RSPRY1: variants seen among roughly 807,000 people sequenced by gnomAD.
RSPRY1 encodes RING finger and SPRY domain-containing protein 1.
In RSPRY1, 23 loss-of-function variants were observed where a neutral mutation model predicts 73.1. The ratio of observed to expected loss-of-function variants is 0.31; its 90% CI spans 0.23 to 0.45. RSPRY1 has a LOEUF of 0.45. Among genes scored for constraint, RSPRY1 ranks in the 20% least tolerant of loss-of-function variants. The probability of loss-of-function intolerance (pLI) is 1.00; values close to 1 mark genes in which losing one functional copy is unlikely to be tolerated. For synonymous variants in RSPRY1, 226 were observed against 251.4 expected (o/e 0.90, Z 0.95); for missense variants, 448 against 698.7 (o/e 0.64, Z 4.05).
chr16:57,196,517 G>A (rs1325093519), intron 1 of RSPRY1, among the ~76,000 whole-genome samples: 4 of 152,216 alleles, frequency 2.6e-5, no homozygotes, highest in Middle Eastern at 6.8e-3. Flanking sequence ...GCTTGGGCCG[G>A]CATCCCAGAA....
rs192644981 is a variant in RSPRY1 at position 57,206,429 on chromosome 16, T to A, written c.350+1421T>A. ...TCAAAAATTAATTAATCAAAAAAAA[T>A]TTTTTAAATCCCTTGTACCAAATTG... On this transcript the variant is annotated intron_variant, in intron 2 of 14. Coordinates refer to ENST00000394420, the MANE Select transcript of RSPRY1 (RefSeq NM_133368.3). Among the ~76,000 whole-genome samples, 1,295 of 152,184 alleles carry A rather than the reference T, an allele frequency of 8.5e-3. 13 individuals carry two copies. The highest frequency in any genetic ancestry group is 0.017 in the African/African-American group (691 of 41,536).
Position 57,238,890 on chromosome 16 carries a change from T to C in RSPRY1, c.1646T>C (p.Met549Thr). The change falls in exon 15 of 15, where the codon ATG becomes ACG. Residue 549 changes from methionine (M) to threonine (T), a missense_variant. Coordinates refer to ENST00000394420, the MANE Select transcript of RSPRY1 (RefSeq NM_133368.3). ...LKPCGHSDLC[M>T]DCALQLETCP... ...GTGTTTCTCCCCAGTGACCTGTGCATGGATTGTGCCTTGCAGCTGGAGACC... is the reference window on the plus strand; with the variant it reads ...GTGTTTCTCCCCAGTGACCTGTGCACGGATTGTGCCTTGCAGCTGGAGACC... The C allele has an allele frequency of 6.2e-7, 1 of 1,604,554 alleles. No homozygotes were observed. Among genetic ancestry groups the C allele is most frequent in the Non-Finnish European group, 8.5e-7 (1 of 1,175,052 alleles).
chr16:57,232,294 A>T (rs58040707), intron 13 of RSPRY1, among the ~76,000 whole-genome samples: 1 of 152,178 alleles, frequency 6.6e-6, no homozygotes, highest in South Asian at 2.1e-4. Flanking sequence ...CAGTGGTTCA[A>T]TAGTTTCCAG....
At chr16:57,219,355 T>C (rs1393819759) in intron 8 of RSPRY1, among the ~76,000 whole-genome samples, 1 of 152,218 alleles carries the variant, frequency 6.6e-6, no homozygotes, top group African/African-American at 2.4e-5. Flanking sequence ...ATGCCATTTT[T>C]ACTGGGGTGA....
rs1653417522 is a variant in RSPRY1 at position 57,239,430 on chromosome 16, CA to C, written c.*457del. On this transcript the variant is annotated 3_prime_UTR_variant, in exon 15 of 15. Transcript: ENST00000394420. Reference sequence around the variant, plus strand: ...TCACTGGTCAGAGACACCGGTGTGTCAAGCATGGATATTGCATTGCAAGACT... The same window carrying C: ...TCACTGGTCAGAGACACCGGTGTGTCAGCATGGATATTGCATTGCAAGACT... 6.6e-6 allele frequency: 1 copy of C among 152,272 alleles called. No individual in the cohort carries two copies. Among genetic ancestry groups the C allele is most frequent in the Admixed American group, 6.5e-5 (1 of 15,276 alleles). 9.4% of individuals were successfully genotyped at this position (152,272 alleles called of 1,614,324 possible). A position where few individuals can be genotyped will look rare whatever the true frequency, so the allele number is the denominator to read the frequency against.
chr16:57,224,356 C>T (rs1319615877), intron 10 of RSPRY1: 1 of 152,226 alleles, frequency 6.6e-6, no homozygotes, highest in Non-Finnish European at 1.5e-5. Flanking sequence ...ATACATTTCC[C>T]TTAACAGGAA....
intron 1 of RSPRY1, among the ~76,000 whole-genome samples, chr16:57,197,135 T>C (rs1263633016): frequency 6.6e-6 from 1 of 152,244 alleles, no homozygotes; most frequent in Non-Finnish European, 1.5e-5. Flanking sequence ...AAAGCTTTTT[T>C]TGAATGGATG....
chr16:57,196,037 A>AAAG, intron 1 of RSPRY1, among the ~76,000 whole-genome samples: 1 of 141,886 alleles, frequency 7.0e-6, no homozygotes, highest in African/African-American at 2.7e-5. Context: ...AAAAAAAAAT[A>AAAG]TATATATATA....
chr16:57,208,400 A>ATATATATT (rs1472775482), intron 3 of RSPRY1, among the ~76,000 whole-genome samples: 5 of 50,128 alleles, frequency 1.0e-4, no homozygotes, highest in African/African-American at 1.7e-4. Flanking sequence ...ATATATATAT[A>ATATATATT]TTTTTTTTTT....
chr16:57,238,142 G>A (rs900701600), intron 14 of RSPRY1, among the ~76,000 whole-genome samples: 18 of 152,084 alleles, frequency 1.2e-4, no homozygotes, highest in African/African-American at 3.4e-4. Flanking sequence ...TATGTAGAGC[G>A]TATATGAAGA....
intron 1 of RSPRY1, among the ~76,000 whole-genome samples, chr16:57,193,598 T>G (rs368665622): frequency 4.2e-3 from 642 of 152,000 alleles, no homozygotes; most frequent in Non-Finnish European, 7.0e-3. Flanking sequence ...ATTCAAGTGA[T>G]CTTCCCACCT....
At chr16:57,186,271 G>A (rs2074167750), upstream of RSPRY1, 1 of 699,844 alleles carries the variant, frequency 1.4e-6, no homozygotes, top group Non-Finnish European at 1.8e-6. Context: ...TGCCACCGAG[G>A]AAGGGGCGTT....
chr16:57,201,805 G>A (rs949638568), intron 1 of RSPRY1, among the ~76,000 whole-genome samples: 40 of 151,772 alleles, frequency 2.6e-4, no homozygotes, highest in African/African-American at 8.5e-4. Flanking sequence ...AAAAAAATAC[G>A]AAAACCAGTC....
intron 10 of RSPRY1, among the ~76,000 whole-genome samples, chr16:57,223,505 C>A (rs1597913501): frequency 6.6e-6 from 1 of 152,156 alleles, no homozygotes; most frequent in South Asian, 2.1e-4. Flanking sequence ...TTTGGCCAGG[C>A]GCAGTGGCTC....
At chr16:57,193,216 C>T (rs1567481547) in intron 1 of RSPRY1, among the ~76,000 whole-genome samples, 1 of 152,140 alleles carries the variant, frequency 6.6e-6, no homozygotes, top group South Asian at 2.1e-4. Context: ...CAAGTAAAAA[C>T]GCCTCATCAA....
At chr16:57,230,026 T>G (rs1188552459) in intron 11 of RSPRY1, among the ~76,000 whole-genome samples, 2 of 140,134 alleles carry the variant, frequency 1.4e-5, no homozygotes, top group Non-Finnish European at 3.1e-5. Context: ...TTTTTTTTTT[T>G]TTGAGATGGA....
chr16:57,215,491 A>T (rs1383685460), intron 6 of RSPRY1, among the ~76,000 whole-genome samples: 1 of 152,134 alleles, frequency 6.6e-6, no homozygotes, highest in Non-Finnish European at 1.5e-5. Context: ...AAGCACAGCT[A>T]TGAGAAGGTG....
At chr16:57,188,205 G>C (rs2074285714) in intron 1 of RSPRY1, among the ~76,000 whole-genome samples, 2 of 152,216 alleles carry the variant, frequency 1.3e-5, no homozygotes, top group Non-Finnish European at 1.5e-5. Flanking sequence ...TGTGGACTTT[G>C]CATTTCCTGG....
chr16:57,237,866 C>G (rs1438534569), intron 14 of RSPRY1, among the ~76,000 whole-genome samples: 1 of 152,112 alleles, frequency 6.6e-6, no homozygotes, highest in African/African-American at 2.4e-5. Flanking sequence ...GTGCCCGCCA[C>G]CATGCCCAGC....
Sources: allele counts gnomAD v4.1 joint callset (sites outside exome capture counted in the v4.1 genomes callset), GRCh38; gene constraint gnomAD v4.1.1; transcripts MANE v1.5; gene names NCBI Gene and HGNC (gene_info 2026-07-23, HGNC 2026-07-21).